Variants in DRD2 observed in about 807,000 individuals in gnomAD.
DRD2 encodes the protein D(2) dopamine receptor.
Under a neutral mutation model 38.0 loss-of-function variants are expected in DRD2, and 8 were observed. The observed-to-expected ratio is 0.21, with a 90% CI of 0.12 to 0.38. The LOEUF (loss-of-function observed/expected upper bound fraction) is 0.38, where lower values mean the gene tolerates loss of function less well. DRD2 is among the 10% of genes least tolerant of loss of function. DRD2 has a pLI of 1.00. For missense variants in DRD2, 403 were observed against 607.7 expected (o/e 0.66, Z 3.54); for synonymous variants, 230 against 238.6 (o/e 0.96, Z 0.33).
intron 1 of DRD2, among the ~76,000 whole-genome samples, chr11:113,456,159 G>A (rs1461551501): frequency 6.6e-6 from 1 of 152,138 alleles, no homozygotes. Context: ...GTGAATCTAG[G>A]GGACATTACA....
intron 1 of DRD2, among the ~76,000 whole-genome samples, chr11:113,456,528 A>G (rs183652501): frequency 6.6e-6 from 1 of 152,356 alleles, no homozygotes; most frequent in Admixed American, 6.5e-5. Context: ...TGTACCCTAT[A>G]AACACATTCA....
intron 1 of DRD2, among the ~76,000 whole-genome samples, chr11:113,444,833 G>A (rs1332097407): frequency 6.6e-6 from 1 of 152,224 alleles, no homozygotes; most frequent in Non-Finnish European, 1.5e-5. Flanking sequence ...TCTGATATGA[G>A]CACAAGCCAG....
chr11:113,464,984 C>T (rs1170321239), intron 1 of DRD2, among the ~76,000 whole-genome samples: 1 of 152,188 alleles, frequency 6.6e-6, no homozygotes, highest in Non-Finnish European at 1.5e-5. Flanking sequence ...AGCCTTCCTA[C>T]CTCCACTGCC....
At chr11:113,466,012 T>C (rs761157276) in intron 1 of DRD2, among the ~76,000 whole-genome samples, 1 of 152,186 alleles carries the variant, frequency 6.6e-6, no homozygotes, top group African/African-American at 2.4e-5. Context: ...GGTAAGTATA[T>C]AGTCATCCTG....
At chr11:113,452,432 ATGCGTGTGTG>A (rs1445267950) in intron 1 of DRD2, among the ~76,000 whole-genome samples, 7 of 112,722 alleles carry the variant, frequency 6.2e-5, no homozygotes, top group Non-Finnish European at 5.5e-5. Flanking sequence ...ACTGGTGTGC[ATGCGTGTGTG>A]TGTGTGTGTG....
chr11:113,411,444 TTGG>T (rs780156655), intron 7 of DRD2: 2 of 154,688 alleles, frequency 1.3e-5, no homozygotes, highest in Non-Finnish European at 2.9e-5. Flanking sequence ...TTCCCCAGTC[TTGG>T]TGGGTACACC....
Position 113,410,662 on chromosome 11 carries a change from G to A in DRD2, c.*65C>T. On this transcript the variant is annotated 3_prime_UTR_variant, in exon 8 of 8. Transcript: ENST00000362072. ...AGGCCTTCCTGCTCACGGTTCGCAA[G>A]GGTGAGGCTGGCCGGCCTGGGCAGG... 1.9e-6 allele frequency: 3 copies of A among 1,603,616 alleles called. No homozygotes were observed. Among genetic ancestry groups the A allele is most frequent in the Admixed American group, 3.3e-5 (2 of 59,986 alleles).
chr11:113,431,376 A>G (rs1207435060), intron 1 of DRD2, among the ~76,000 whole-genome samples: 3 of 152,230 alleles, frequency 2.0e-5, no homozygotes, highest in South Asian at 2.1e-4. Context: ...ACAAGGTTCC[A>G]TGGGTCCTCT....
intron 2 of DRD2, among the ~76,000 whole-genome samples, chr11:113,419,543 C>T (rs1335668019): frequency 2.7e-5 from 4 of 148,326 alleles, no homozygotes; most frequent in South Asian, 2.2e-4. Flanking sequence ...TGGCAGATTA[C>T]GCAGGCACAC....
At chr11:113,432,288 T>TCTCTC (rs1950994133) in intron 1 of DRD2, among the ~76,000 whole-genome samples, 2 of 136,258 alleles carry the variant, frequency 1.5e-5, no homozygotes, top group South Asian at 2.5e-4. Context: ...GATCCTCTCT[T>TCTCTC]TCTCTCTCTC....
At chr11:113,457,580 C>G (rs1000275641) in intron 1 of DRD2, among the ~76,000 whole-genome samples, 9 of 152,120 alleles carry the variant, frequency 5.9e-5, no homozygotes, top group Admixed American at 2.0e-4. Flanking sequence ...TTACCACCCC[C>G]CCGACCCCCC....
chr11:113,443,236 G>A (rs1044684512), intron 1 of DRD2, among the ~76,000 whole-genome samples: 3 of 152,076 alleles, frequency 2.0e-5, no homozygotes, highest in African/African-American at 7.2e-5. Flanking sequence ...CCTCCGAGAA[G>A]CCTTCTGTGA....
rs142663402 is a variant in DRD2, at chr11:113,447,399, T to C, written c.-31-22717A>G. Reference sequence around the variant, plus strand: ...CCCCTGTTACACAGAATGCTTGGTATGGGCAGATGGAAGTGCCCATGAGAA... The same window carrying C: ...CCCCTGTTACACAGAATGCTTGGTACGGGCAGATGGAAGTGCCCATGAGAA... On this transcript the variant is annotated intron_variant, in intron 1 of 7. Coordinates refer to ENST00000362072, the MANE Select transcript of DRD2 (RefSeq NM_000795.4). 1.8e-4 allele frequency among the ~76,000 whole-genome samples: 27 copies of C among 150,522 alleles called. No individual in the cohort carries two copies. The East Asian group carries it at 5.3e-3, about 29-fold the overall frequency.
intron 1 of DRD2, among the ~76,000 whole-genome samples, chr11:113,462,310 T>C (rs1271284293): frequency 6.6e-6 from 1 of 152,078 alleles, no homozygotes; most frequent in Non-Finnish European, 1.5e-5. Context: ...CATCCACCAA[T>C]TCATGTCCAC....
intron 7 of DRD2, among the ~76,000 whole-genome samples, 183 bp downstream of exon 7, chr11:113,412,373 C>T (rs1950777019): frequency 6.6e-6 from 1 of 152,182 alleles, no homozygotes; most frequent in African/African-American, 2.4e-5. Flanking sequence ...ACTCTGTTTG[C>T]CCATCTGTAA....
chr11:113,418,245 G>C, intron 2 of DRD2, 109 bp from the exon 3 acceptor site: 1 of 899,218 alleles, frequency 1.1e-6, no homozygotes, highest in East Asian at 2.6e-5. Flanking sequence ...GGAGGCAGCT[G>C]CAAGTCTTGT....
At chr11:113,432,583 T>C (rs1950998052) in intron 1 of DRD2, among the ~76,000 whole-genome samples, 1 of 152,204 alleles carries the variant, frequency 6.6e-6, no homozygotes, top group Admixed American at 6.5e-5. Context: ...CATTTTTTCC[T>C]CTTTTCTGAG....
At chr11:113,457,221 A>G (rs1177765081) in intron 1 of DRD2, among the ~76,000 whole-genome samples, 1 of 152,206 alleles carries the variant, frequency 6.6e-6, no homozygotes, top group East Asian at 1.9e-4. Context: ...CAGTGGCCAC[A>G]TCAGATGGTC....
chr11:113,448,588 G>A (rs1167389887), intron 1 of DRD2, among the ~76,000 whole-genome samples: 3 of 152,230 alleles, frequency 2.0e-5, no homozygotes, highest in African/African-American at 2.4e-5. Context: ...CCAGCCATGA[G>A]AGAGGAACAG....
Sources: gnomAD v4.1 joint callset for allele counts (sites outside exome capture counted in the v4.1 genomes callset) on GRCh38, gnomAD v4.1.1 for gene constraint, MANE v1.5 for transcripts, NCBI Gene and HGNC (gene_info 2026-07-23, HGNC 2026-07-21) for gene names.